The following SND1 variants were observed in gnomAD, a reference collection of about 807,000 sequenced individuals.
The protein encoded by SND1 is staphylococcal nuclease domain-containing protein 1.
A neutral mutation model predicts 121.7 loss-of-function variants in SND1; 38 were observed. The observed-to-expected ratio is 0.31, with a 90% CI of 0.24 to 0.41. The LOEUF (loss-of-function observed/expected upper bound fraction) is 0.41. SND1 is among the 10% of genes least tolerant of loss of function. The pLI, the probability that SND1 is intolerant of heterozygous loss-of-function variation, is 1.00. For synonymous variants in SND1, 401 were observed against 447.4 expected (o/e 0.90, Z 1.31); for missense variants, 868 against 1,184.6 (o/e 0.73, Z 3.92).
At chr7:128,059,488 T>G (rs1345206324) in intron 16 of SND1, among the ~76,000 whole-genome samples, 1 of 152,260 alleles carries the variant, frequency 6.6e-6, no homozygotes, top group African/African-American at 2.4e-5. Context: ...ATGTTAGGTC[T>G]CTTTACATAC....
intron 10 of SND1, among the ~76,000 whole-genome samples, chr7:127,755,028 G>C (rs1251872688): frequency 6.6e-6 from 1 of 152,174 alleles, no homozygotes; most frequent in Non-Finnish European, 1.5e-5. Context: ...TAGTTCAGGG[G>C]GCCGGGTTGT....
intron 15 of SND1, among the ~76,000 whole-genome samples, chr7:127,985,021 A>G (rs1286375844): frequency 6.6e-6 from 1 of 152,114 alleles, no homozygotes; most frequent in Admixed American, 6.5e-5. Context: ...TGCCATTTCT[A>G]TTTGAATAGA....
At chr7:127,711,034 ACT>A in intron 9 of SND1, among the ~76,000 whole-genome samples, 1 of 152,206 alleles carries the variant, frequency 6.6e-6, no homozygotes, top group African/African-American at 2.4e-5. Flanking sequence ...CAGCCTCCAA[ACT>A]CTGTCTAAAT....
chr7:127,676,828 G>A (rs758075676), intron 1 of SND1, among the ~76,000 whole-genome samples: 3 of 152,110 alleles, frequency 2.0e-5, no homozygotes, highest in Non-Finnish European at 2.9e-5. Flanking sequence ...TGCAACCTCC[G>A]CCTCCTGGGT....
intron 15 of SND1, among the ~76,000 whole-genome samples, chr7:127,946,635 A>G (rs990555774): frequency 5.3e-5 from 8 of 152,228 alleles, no homozygotes; most frequent in African/African-American, 1.9e-4. Flanking sequence ...CTGCTAAAAA[A>G]GGGCTTTCCT....
intron 15 of SND1, among the ~76,000 whole-genome samples, chr7:127,946,196 A>G (rs1441090986): frequency 3.3e-5 from 5 of 152,198 alleles, no homozygotes. Flanking sequence ...TATTGTCCCC[A>G]GAGATGACAC....
chr7:127,737,070 T>C (rs529626491), intron 10 of SND1, among the ~76,000 whole-genome samples: 1 of 152,334 alleles, frequency 6.6e-6, no homozygotes, highest in South Asian at 2.1e-4. Context: ...TGTAAAGCAA[T>C]TATATGTAAT....
At chr7:127,801,734 C>A (rs577400696) in intron 10 of SND1, among the ~76,000 whole-genome samples, 13 of 152,232 alleles carry the variant, frequency 8.5e-5, no homozygotes, top group Non-Finnish European at 1.8e-4. Flanking sequence ...ACCATAGTCT[C>A]TTCGTACTCC....
At chr7:127,971,287 G>A (rs1801981001) in intron 15 of SND1, among the ~76,000 whole-genome samples, 2 of 152,126 alleles carry the variant, frequency 1.3e-5, no homozygotes, top group African/African-American at 4.8e-5. Context: ...GAAAGAAAAA[G>A]GTTTGTAACC....
At chr7:127,876,804 G>A (rs938960260) in intron 12 of SND1, among the ~76,000 whole-genome samples, 1 of 152,116 alleles carries the variant, frequency 6.6e-6, no homozygotes, top group African/African-American at 2.4e-5. Flanking sequence ...CATGTTTGTT[G>A]TATAGCAGGA....
At position 127,811,580 on chromosome 7, in the gene SND1, C is replaced by T. The variant is rs147090952; in HGVS notation, c.1242+4007C>T. On this transcript the variant is annotated intron_variant, in intron 11 of 23. Coordinates refer to ENST00000354725, the MANE Select transcript of SND1 (RefSeq NM_014390.4). Reference sequence around the variant, plus strand: ...CACGGCGCCTACCTTGCTTATATCTCGTCTAGCCTGGACTCCTATGTGGCC... The same window carrying T: ...CACGGCGCCTACCTTGCTTATATCTTGTCTAGCCTGGACTCCTATGTGGCC... Among the ~76,000 whole-genome samples the T allele has an allele frequency of 8.6e-3, 1,303 of 152,250 alleles. 12 individuals are homozygous for T. The highest frequency in any genetic ancestry group is 0.015 in the Non-Finnish European group (1,022 of 68,012).
chr7:127,653,678 C>G (rs1045713824), intron 1 of SND1, among the ~76,000 whole-genome samples: 4 of 152,116 alleles, frequency 2.6e-5, no homozygotes, highest in African/African-American at 9.7e-5. Context: ...TTATCTTTCA[C>G]AAGATTAAAA....
At chr7:127,745,370 TTCATTATTGACTGAAATG>T (rs1441693803) in intron 10 of SND1, among the ~76,000 whole-genome samples, 1 of 152,222 alleles carries the variant, frequency 6.6e-6, no homozygotes, top group Non-Finnish European at 1.5e-5. Flanking sequence ...GTATAAGTGG[TTCATTATTGACTGAAATG>T]TCATTATGTG....
At chr7:127,742,496 C>CT (rs567492939) in intron 10 of SND1, among the ~76,000 whole-genome samples, 11 of 148,396 alleles carry the variant, frequency 7.4e-5, no homozygotes, top group South Asian at 2.2e-4. Flanking sequence ...TCCTGCAATA[C>CT]TTTTTTTTTT....
intron 12 of SND1, among the ~76,000 whole-genome samples, chr7:127,846,756 G>C (rs940361315): frequency 6.6e-6 from 1 of 151,810 alleles, no homozygotes; most frequent in Non-Finnish European, 1.5e-5. Context: ...TTCTTTATCA[G>C]GCGGCCCCCA....
chr7:127,905,430 A>G (rs1450518099), intron 14 of SND1, among the ~76,000 whole-genome samples: 1 of 152,186 alleles, frequency 6.6e-6, no homozygotes, highest in African/African-American at 2.4e-5. Context: ...CTTTGGCTGC[A>G]TAGATCCGTT....
intron 10 of SND1, among the ~76,000 whole-genome samples, chr7:127,802,849 A>G (rs1485954031): frequency 1.3e-5 from 2 of 152,168 alleles, no homozygotes; most frequent in African/African-American, 2.4e-5. Context: ...TTGCTCAGAT[A>G]AAAAAGGAGT....
chr7:127,925,320 G>A (rs1448603709), intron 14 of SND1, among the ~76,000 whole-genome samples: 1 of 152,182 alleles, frequency 6.6e-6, no homozygotes, highest in Non-Finnish European at 1.5e-5. Context: ...CACCAGTGGA[G>A]GGGAATATTG....
chr7:128,005,630 G>A (rs1802955766), intron 16 of SND1, among the ~76,000 whole-genome samples: 1 of 152,234 alleles, frequency 6.6e-6, no homozygotes, highest in Non-Finnish European at 1.5e-5. Flanking sequence ...TTAGGTTGCT[G>A]ATTTACAGTT....
Sources: gnomAD v4.1 joint callset for allele counts (sites outside exome capture counted in the v4.1 genomes callset) on GRCh38, gnomAD v4.1.1 for gene constraint, MANE v1.5 for transcripts, NCBI Gene and HGNC (gene_info 2026-07-23, HGNC 2026-07-21) for gene names.